KIAA1549L: variants seen among roughly 807,000 people sequenced by gnomAD.
KIAA1549L encodes the protein KIAA1549 like.
Under a neutral mutation model 160.7 loss-of-function variants are expected in KIAA1549L, and 88 were observed. That is an observed-to-expected ratio of 0.55 (90% CI 0.46 to 0.65). The LOEUF is 0.65. Among genes scored for constraint, KIAA1549L ranks in the 30% least tolerant of loss-of-function variants. The pLI, the probability that KIAA1549L is intolerant of heterozygous loss-of-function variation, is 0.00. For missense variants in KIAA1549L, 2,258 were observed against 2,437.5 expected, an observed-to-expected ratio of 0.93 and a Z score of 1.55; for synonymous variants, 950 against 976.7, an observed-to-expected ratio of 0.97 and a Z score of 0.51.
At chr11:33,448,348 G>A (rs576143176) in intron 1 of KIAA1549L, among the ~76,000 whole-genome samples, 12 of 152,328 alleles carry the variant, frequency 7.9e-5, no homozygotes, top group African/African-American at 1.9e-4. Context: ...ATGTCCTTCC[G>A]ATGAGTGAGC....
chr11:33,425,033 T>C (rs2134110352), intron 1 of KIAA1549L, among the ~76,000 whole-genome samples: 1 of 152,340 alleles, frequency 6.6e-6, no homozygotes, highest in African/African-American at 2.4e-5. Context: ...GTTAAATGAA[T>C]GAACAAATAA....
rs550611924 is a variant in KIAA1549L, at chr11:33,617,633, T to C, written c.5280-900T>C. 1.3e-4 allele frequency among the ~76,000 whole-genome samples: 20 copies of C among 152,342 alleles called. No individual in the cohort carries two copies. The South Asian group carries it at 4.1e-3, about 32-fold the overall frequency. ...GTTTGTCACAGCTTAATAGCACTTATCACTCTGAAATTACCATGTTAATTA... is the reference window on the plus strand; with the variant it reads ...GTTTGTCACAGCTTAATAGCACTTACCACTCTGAAATTACCATGTTAATTA... On this transcript the variant is annotated intron_variant, in intron 15 of 20. Coordinates refer to ENST00000658780, the MANE Select transcript of KIAA1549L (RefSeq NM_012194.3).
At chr11:33,604,303 A>G (rs755270605) in intron 13 of KIAA1549L, among the ~76,000 whole-genome samples, 2 of 152,150 alleles carry the variant, frequency 1.3e-5, no homozygotes, top group Non-Finnish European at 2.9e-5. Flanking sequence ...GCAAAAACCA[A>G]TAGATGTTGG....
At chr11:33,409,554 C>T (rs1850744563) in intron 1 of KIAA1549L, among the ~76,000 whole-genome samples, 1 of 152,142 alleles carries the variant, frequency 6.6e-6, no homozygotes, top group Admixed American at 6.5e-5. Flanking sequence ...TGACTTTCCC[C>T]AGAATCAAGT....
intron 1 of KIAA1549L, among the ~76,000 whole-genome samples, chr11:33,488,213 G>A (rs556376833): frequency 6.6e-6 from 1 of 152,314 alleles, no homozygotes; most frequent in East Asian, 1.9e-4. Flanking sequence ...CTCAAAGGCA[G>A]TGTTAAGAAA....
At chr11:33,412,786 G>A (rs565443805) in intron 1 of KIAA1549L, among the ~76,000 whole-genome samples, 7 of 152,250 alleles carry the variant, frequency 4.6e-5, no homozygotes, top group South Asian at 2.1e-4. Context: ...TTATGTAAAC[G>A]GATTAAATAT....
At chr11:33,384,125 G>C (rs1850126635) in intron 1 of KIAA1549L, among the ~76,000 whole-genome samples, 2 of 152,086 alleles carry the variant, frequency 1.3e-5, no homozygotes, top group African/African-American at 4.8e-5. Flanking sequence ...GCCCCTTGCA[G>C]TTAATCCACT....
intron 1 of KIAA1549L, among the ~76,000 whole-genome samples, chr11:33,421,836 A>G (rs1314538824): frequency 6.6e-6 from 1 of 152,280 alleles, no homozygotes; most frequent in East Asian, 1.9e-4. Flanking sequence ...AGGCATCACA[A>G]TTACTGGAGG....
At chr11:33,414,297 A>G (rs1850843876) in intron 1 of KIAA1549L, among the ~76,000 whole-genome samples, 1 of 152,232 alleles carries the variant, frequency 6.6e-6, no homozygotes. Context: ...ATCGTAATTT[A>G]TGAAGTGAAT....
intron 1 of KIAA1549L, among the ~76,000 whole-genome samples, chr11:33,468,972 G>T (rs1852119193): frequency 6.7e-6 from 1 of 148,870 alleles, no homozygotes; most frequent in East Asian, 1.9e-4. Context: ...GTTGGCTCTG[G>T]GCTGAAGTGG....
intron 8 of KIAA1549L, among the ~76,000 whole-genome samples, chr11:33,563,797 T>A (rs539848819): frequency 5.9e-5 from 9 of 152,170 alleles, no homozygotes; most frequent in Non-Finnish European, 1.0e-4. Context: ...CAAGGAATGG[T>A]GTTTTTTTTA....
intron 1 of KIAA1549L, among the ~76,000 whole-genome samples, chr11:33,404,279 C>A (rs573094217): frequency 3.3e-5 from 5 of 152,162 alleles, no homozygotes; most frequent in Non-Finnish European, 7.3e-5. Context: ...AATCCCAGCA[C>A]TTTGGGAGGC....
At chr11:33,580,476 A>C (rs535708369) in intron 10 of KIAA1549L, among the ~76,000 whole-genome samples, 35 of 150,016 alleles carry the variant, frequency 2.3e-4, no homozygotes, top group Admixed American at 1.9e-3. Context: ...TGGGAGGCTG[A>C]TGCACAAGAA....
At chr11:33,594,440 A>C (rs1468072429) in intron 12 of KIAA1549L, among the ~76,000 whole-genome samples, 1 of 152,184 alleles carries the variant, frequency 6.6e-6, no homozygotes, top group African/African-American at 2.4e-5. Context: ...GTCAGGTGAC[A>C]GATCAACTGG....
intron 7 of KIAA1549L, among the ~76,000 whole-genome samples, chr11:33,560,795 A>AGTACGCTAAG (rs1854828808): frequency 6.6e-6 from 1 of 152,204 alleles, no homozygotes; most frequent in African/African-American, 2.4e-5. Context: ...AAACAAGATA[A>AGTACGCTAAG]TACGCGTGAA....
At chr11:33,624,518 G>A (rs1039754520) in intron 16 of KIAA1549L, among the ~76,000 whole-genome samples, 2 of 152,124 alleles carry the variant, frequency 1.3e-5, no homozygotes, top group Admixed American at 6.5e-5. Flanking sequence ...TGGAACCATG[G>A]CAGCATATGT....
intron 1 of KIAA1549L, among the ~76,000 whole-genome samples, chr11:33,382,317 A>T (rs1850088049): frequency 6.6e-6 from 1 of 152,136 alleles, no homozygotes; most frequent in South Asian, 2.1e-4. Context: ...ATTGGCTTGG[A>T]CAGATGCTGC....
intron 15 of KIAA1549L, among the ~76,000 whole-genome samples, chr11:33,614,555 T>C (rs1452308600): frequency 7.1e-5 from 1 of 14,034 alleles, no homozygotes; most frequent in Admixed American, 6.6e-4. Context: ...TATATATATA[T>C]ATATATATAT....
chr11:33,613,339 G>A (rs1033877191), intron 15 of KIAA1549L, among the ~76,000 whole-genome samples: 26 of 152,064 alleles, frequency 1.7e-4, no homozygotes, highest in African/African-American at 5.6e-4. Context: ...TTTGATTTGC[G>A]TTTCTCTTGT....
Sources: gnomAD v4.1 joint callset for allele counts (sites outside exome capture counted in the v4.1 genomes callset) on GRCh38, gnomAD v4.1.1 for gene constraint, MANE v1.5 for transcripts, NCBI Gene and HGNC (gene_info 2026-07-23, HGNC 2026-07-21) for gene names.